FBN2: variants seen among roughly 807,000 people sequenced by gnomAD.
FBN2 encodes the protein fibrillin 2.
FBN2 carries 105 observed loss-of-function variants against 355.6 expected under a neutral mutation model. The observed-to-expected ratio is 0.30, with a 90% confidence interval of 0.25 to 0.35. The LOEUF is 0.35. Ranked by LOEUF, FBN2 falls within the 10% of genes least tolerant of loss-of-function variation. The probability of loss-of-function intolerance (pLI) is 1.00; values close to 1 mark genes in which losing one functional copy is unlikely to be tolerated. For synonymous variants in FBN2, 1,350 were observed against 1,301.2 expected (o/e 1.04, Z -0.81); for missense variants, 3,280 against 3,758.7 (o/e 0.87, Z 3.33).
chr5:128,537,608 G>A lies in FBN2; in HGVS notation c.-5C>T, dbSNP rs745465927. 3 of 1,606,166 alleles carry A rather than the reference G, an allele frequency of 1.9e-6. No individual in the cohort carries two copies. The highest frequency in any genetic ancestry group is 2.7e-5 in the African/African-American group (2 of 74,810). On this transcript the variant is annotated 5_prime_UTR_variant, in exon 1 of 65. Transcript: ENST00000262464. Reference sequence around the variant, plus strand: ...CAGCCTCCGTCTTCTCCCCATCGCCGGCGCCGAAAGCGCGCGGCCGTAGAC... The same window carrying A: ...CAGCCTCCGTCTTCTCCCCATCGCCAGCGCCGAAAGCGCGCGGCCGTAGAC...
chr5:128,311,545 C>A, intron 38 of FBN2, 120 bp from the exon 39 acceptor site: 1 of 1,060,782 alleles, frequency 9.4e-7, no homozygotes, highest in Admixed American at 1.9e-5. Flanking sequence ...CAAATGAACG[C>A]ACACTTAGAT....
chr5:128,454,400 T>C (rs1249783961), intron 6 of FBN2, among the ~76,000 whole-genome samples: 1 of 152,232 alleles, frequency 6.6e-6, no homozygotes, highest in African/African-American at 2.4e-5. Context: ...ACAGCATGAA[T>C]TAAAGTTAGA....
Position 128,329,198 on chromosome 5 carries a change from G to A in FBN2, c.4346-377C>T, listed in dbSNP as rs1330773626. 1.3e-5 allele frequency among the ~76,000 whole-genome samples: 2 copies of A among 152,040 alleles called. 1 individual carries two copies. The highest frequency in any genetic ancestry group is 2.9e-5 in the Non-Finnish European group (2 of 68,012). On this transcript the variant is annotated intron_variant, in intron 33 of 64. Transcript: ENST00000262464. ...TCTTAAAATGGTGATCATTCTTTGA[G>A]AAAATTATAGTATTCGAATAAATAA...
At chr5:128,359,910 A>G (rs1561788546) in intron 19 of FBN2, among the ~76,000 whole-genome samples, 2 of 152,126 alleles carry the variant, frequency 1.3e-5, no homozygotes, top group Admixed American at 6.5e-5. Flanking sequence ...TTGATAATTC[A>G]GTGTACATAG....
intron 23 of FBN2, among the ~76,000 whole-genome samples, chr5:128,345,888 A>T (rs928907243): frequency 6.6e-6 from 1 of 152,238 alleles, no homozygotes; most frequent in African/African-American, 2.4e-5. Context: ...AAAAGGTAAG[A>T]TAATTTTAAT....
At chr5:128,391,176 A>G (rs1581258831) in intron 11 of FBN2, among the ~76,000 whole-genome samples, 1 of 152,216 alleles carries the variant, frequency 6.6e-6, no homozygotes, top group African/African-American at 2.4e-5. Flanking sequence ...TACTCCTTGT[A>G]AGTTTTGGTG....
intron 2 of FBN2, among the ~76,000 whole-genome samples, chr5:128,535,264 G>A (rs1756816800): frequency 6.6e-6 from 1 of 152,168 alleles, no homozygotes; most frequent in Non-Finnish European, 1.5e-5. Flanking sequence ...TGACACTGGA[G>A]ATTTCATCTC....
chr5:128,398,601 C>A lies in FBN2; in HGVS notation c.1079-3327G>T, dbSNP rs191085736. 8.8e-4 allele frequency among the ~76,000 whole-genome samples: 134 copies of A among 152,046 alleles called. No individual in the cohort carries two copies. In the Middle Eastern group the frequency reaches 0.014, roughly 15 times the overall value. On this transcript the variant is annotated intron_variant, in intron 8 of 64. Transcript: ENST00000262464. ...TGGCAGATATATATGAATATATTATCTTCAATTAGCACATAGAGACAAAGA... is the reference window on the plus strand; with the variant it reads ...TGGCAGATATATATGAATATATTATATTCAATTAGCACATAGAGACAAAGA...
At chr5:128,517,494 G>T (rs1581365155) in intron 5 of FBN2, among the ~76,000 whole-genome samples, 1 of 152,172 alleles carries the variant, frequency 6.6e-6, no homozygotes, top group Middle Eastern at 3.4e-3. Context: ...ATCTGGTAAA[G>T]ACATTTAAAT....
chr5:128,489,918 A>G lies in FBN2; in HGVS notation c.629-24997T>C, dbSNP rs150277365. 2.0e-5 allele frequency among the ~76,000 whole-genome samples: 3 copies of G among 152,332 alleles called. No individual in the cohort carries two copies. In the East Asian group the frequency reaches 5.8e-4, roughly 29 times the overall value. Reference sequence around the variant, plus strand: ...AGGAGCATACATCTACGGATGTACTATAGACTACAGTACAAAGACCACATA... The same window carrying G: ...AGGAGCATACATCTACGGATGTACTGTAGACTACAGTACAAAGACCACATA... On this transcript the variant is annotated intron_variant, in intron 5 of 64. Coordinates refer to ENST00000262464, the MANE Select transcript of FBN2 (RefSeq NM_001999.4).
At chr5:128,444,658 A>G (rs1262422520) in intron 7 of FBN2, among the ~76,000 whole-genome samples, 1 of 152,240 alleles carries the variant, frequency 6.6e-6, no homozygotes, top group African/African-American at 2.4e-5. Context: ...CCTACGTGCT[A>G]TCAATGTCCC....
At chr5:128,447,770 C>CTGTGTGT (rs1305947456) in intron 6 of FBN2, among the ~76,000 whole-genome samples, 2 of 152,176 alleles carry the variant, frequency 1.3e-5, no homozygotes, top group African/African-American at 4.8e-5. Context: ...CATCACGGCA[C>CTGTGTGT]CTGCCGACAT....
At position 128,393,265 on chromosome 5, in the gene FBN2, A is replaced by C; in HGVS notation, c.1335T>G (p.Ser445Arg). The C allele has an allele frequency of 6.2e-7, 1 of 1,614,114 alleles. No individual in the cohort carries two copies. Reference protein sequence around the residue: ...GGTGGNGFAPSGNGNGYGPGG... With the variant: ...GGTGGNGFAPRGNGNGYGPGG... Reference sequence around the variant, plus strand: ...CTGGGCCATAGCCATTGCCATTGCCACTTGGGGCAAAGCCATTTCCCCCAG... The same window carrying C: ...CTGGGCCATAGCCATTGCCATTGCCCCTTGGGGCAAAGCCATTTCCCCCAG... The change falls in exon 10 of 65, where the codon AGT becomes AGG. Residue 445 changes from serine to arginine, a missense_variant. Physicochemically the swap from Ser to Arg is moderately radical, Grantham distance 110. This residue lies in a region of FBN2 where 343 missense variants were observed against 331.0 expected (regional missense o/e 1.04). Transcript: ENST00000262464.
At chr5:128,300,985 T>C (rs1749699238) in intron 47 of FBN2, 49 bp from the exon 48 acceptor site, 1 of 1,553,188 alleles carries the variant, frequency 6.4e-7, no homozygotes, top group Admixed American at 1.7e-5. Flanking sequence ...AGATAATTGT[T>C]ACATAGATTT....
chr5:128,459,499 C>A (rs1405348732), intron 6 of FBN2, among the ~76,000 whole-genome samples: 1 of 151,826 alleles, frequency 6.6e-6, no homozygotes, highest in Non-Finnish European at 1.5e-5. Context: ...GACACAACAA[C>A]AACAACAACA....
At chr5:128,390,883 G>T (rs1416600727) in intron 11 of FBN2, among the ~76,000 whole-genome samples, 1 of 152,176 alleles carries the variant, frequency 6.6e-6, no homozygotes, top group African/African-American at 2.4e-5. Context: ...AATTCAGAAA[G>T]ATTATTTAAC....
At chr5:128,471,670 T>C (rs563363807) in intron 5 of FBN2, among the ~76,000 whole-genome samples, 12 of 152,256 alleles carry the variant, frequency 7.9e-5, no homozygotes, top group Admixed American at 2.6e-4. Context: ...AAAAAACTCT[T>C]TTTAATGCAT....
intron 3 of FBN2, 28 bp downstream of exon 3, chr5:128,530,567 G>C: frequency 8.0e-6 from 12 of 1,499,222 alleles, no homozygotes; most frequent in Non-Finnish European, 1.1e-5. Context: ...GAAAAATGCA[G>C]TGAAAAGGCC....
intron 62 of FBN2, among the ~76,000 whole-genome samples, chr5:128,265,944 G>T (rs1765104384): frequency 6.6e-6 from 1 of 152,212 alleles, no homozygotes; most frequent in African/African-American, 2.4e-5. Flanking sequence ...GGGGAAATCT[G>T]TCTGAAATGC....
Sources: gnomAD v4.1 joint callset for allele counts (sites outside exome capture counted in the v4.1 genomes callset) on GRCh38, gnomAD v4.1.1 for gene constraint, gnomAD v4.1.1 regional missense constraint, MANE v1.5 for transcripts, NCBI Gene and HGNC (gene_info 2026-07-23, HGNC 2026-07-21) for gene names.